Variants in SLC39A10 observed in about 807,000 individuals in gnomAD.
The protein encoded by SLC39A10 is solute carrier family 39 member 10.
A neutral mutation model predicts 65.1 loss-of-function variants in SLC39A10; 13 were observed. The ratio of observed to expected loss-of-function variants is 0.20; its 90% CI spans 0.13 to 0.32. The LOEUF is 0.32. Among genes scored for constraint, SLC39A10 ranks in the 10% least tolerant of loss-of-function variants. The pLI, the probability that SLC39A10 is intolerant of heterozygous loss-of-function variation, is 1.00. For missense variants in SLC39A10, 831 were observed against 1,018.4 expected (o/e 0.82, Z 2.50); for synonymous variants, 321 against 342.2 (o/e 0.94, Z 0.68).
At chr2:195,659,483 A>G (rs1333958338) in intron 1 of SLC39A10, among the ~76,000 whole-genome samples, 1 of 152,208 alleles carries the variant, frequency 6.6e-6, no homozygotes, top group African/African-American at 2.4e-5. Flanking sequence ...ATGTAGTATT[A>G]TAGCAAGGAA....
chr2:195,624,097 A>G (rs1688408800), intron 2 of SLC39A10, among the ~76,000 whole-genome samples: 1 of 152,102 alleles, frequency 6.6e-6, no homozygotes. Flanking sequence ...GTATATAAAG[A>G]AGGCCTGGCC....
intron 4 of SLC39A10, among the ~76,000 whole-genome samples, chr2:195,707,691 C>G (rs1334528566): frequency 2.0e-5 from 3 of 151,826 alleles, no homozygotes; most frequent in Non-Finnish European, 4.4e-5. Context: ...GCAACAGTTT[C>G]CTTTAGAACT....
At chr2:195,654,614 AT>A (rs200846616), upstream of SLC39A10, among the ~76,000 whole-genome samples, 1,474 of 152,272 alleles carry the variant, frequency 9.7e-3, 24 homozygotes, top group African/African-American at 0.033. Flanking sequence ...ACTGAAAATC[AT>A]TTATACTATT....
chr2:195,651,997 T>G (rs535000658), upstream of SLC39A10, among the ~76,000 whole-genome samples: 27 of 152,196 alleles, frequency 1.8e-4, no homozygotes, highest in South Asian at 5.6e-3. Context: ...GTGCCCAAGG[T>G]GGTAGTTAAG....
At chr2:195,635,476 G>A (rs556082744) in intron 2 of SLC39A10, among the ~76,000 whole-genome samples, 1 of 152,188 alleles carries the variant, frequency 6.6e-6, no homozygotes, top group Non-Finnish European at 1.5e-5. Flanking sequence ...CTGCATTGAT[G>A]GTGCAGAAGC....
intron 9 of SLC39A10, among the ~76,000 whole-genome samples, chr2:195,729,450 T>C (rs1235466424): frequency 2.6e-5 from 4 of 152,324 alleles, no homozygotes; most frequent in African/African-American, 9.6e-5. Context: ...ACCTTGCTTC[T>C]GATTTCATGG....
At chr2:195,646,601 A>G (rs1001797577) in intron 2 of SLC39A10, among the ~76,000 whole-genome samples, 1 of 151,954 alleles carries the variant, frequency 6.6e-6, no homozygotes, top group Non-Finnish European at 1.5e-5. Flanking sequence ...TCCTTAGTTC[A>G]GGGGTCCTCA....
chr2:195,680,656 A>C lies in SLC39A10; in HGVS notation c.614A>C (p.Glu205Ala). The change falls in exon 2 of 10, where the codon GAG (glutamate) becomes GCG (alanine). Residue 205 changes from glutamate (E) to alanine (A), a missense_variant. This residue lies in a region of SLC39A10 where 446 missense variants were observed against 499.2 expected (regional missense o/e 0.89). Transcript: ENST00000359634. ...HFHNDSITPS[E>A]RGEPSNEPST... is the part of the protein sequence containing the mutation. The stretch of plus-strand genomic sequence containing the variant: ...CATAATGATTCCATTACTCCCAGTG[A>C]GCGTGGGGAGCCTAGCAATGAACCT... The C allele has an allele frequency of 6.2e-7, 1 of 1,614,162 alleles. No individual in the cohort carries two copies. Among genetic ancestry groups the C allele is most frequent in the South Asian group, 1.1e-5 (1 of 91,080 alleles).
At chr2:195,722,153 A>G (rs1002959839) in intron 8 of SLC39A10, among the ~76,000 whole-genome samples, 19 of 152,196 alleles carry the variant, frequency 1.2e-4, no homozygotes, top group African/African-American at 4.6e-4. Context: ...TCAGATGTCT[A>G]CCTGTTTTAT....
chr2:195,717,648 G>A (rs1047430787), intron 7 of SLC39A10, among the ~76,000 whole-genome samples: 4 of 151,906 alleles, frequency 2.6e-5, no homozygotes, highest in African/African-American at 9.7e-5. Context: ...TTGAACTCCA[G>A]GCCTCAAGCA....
At chr2:195,707,591 C>CT (rs36110330) in intron 4 of SLC39A10, among the ~76,000 whole-genome samples, 142 of 145,270 alleles carry the variant, frequency 9.8e-4, no homozygotes, top group African/African-American at 1.8e-3. Flanking sequence ...TATGGCATTG[C>CT]TTTTTTTTTT....
chr2:195,685,656 A>T (rs920467578), intron 3 of SLC39A10, among the ~76,000 whole-genome samples: 2 of 152,202 alleles, frequency 1.3e-5, no homozygotes, highest in African/African-American at 4.8e-5. Flanking sequence ...CAGATCAAGT[A>T]TTGGCCCTTC....
intron 3 of SLC39A10, among the ~76,000 whole-genome samples, chr2:195,704,435 C>G (rs914546078): frequency 2.0e-5 from 3 of 152,152 alleles, no homozygotes; most frequent in Non-Finnish European, 2.9e-5. Flanking sequence ...CTTTTTATCT[C>G]TATTTTTTTC....
Position 195,728,410 on chromosome 2 carries a change from T to C in SLC39A10, c.2337+61T>C. 6.8e-7 allele frequency: 1 copy of C among 1,479,970 alleles called. No individual in the cohort carries two copies. Among genetic ancestry groups the C allele is most frequent in the Admixed American group, 1.9e-5 (1 of 52,004 alleles). 91.7% of individuals were successfully genotyped at this position (1,479,970 alleles called of 1,614,324 possible). A position where few individuals can be genotyped will look rare whatever the true frequency, so the allele number is the denominator to read the frequency against. ...TGCAAATGAAAGAAATCCTTGGAAG[T>C]GGTTTGAAGCCAAACTATTTTTGAA... On this transcript the variant is annotated intron_variant, in intron 9 of 9. Coordinates refer to ENST00000359634, the MANE Select transcript of SLC39A10 (RefSeq NM_020342.3). This position sits in a 1 kb window ranked among gnomAD's most constrained non-coding sequence, Gnocchi z 4.4.
At chr2:195,713,370 TG>T in intron 5 of SLC39A10, 62 bp from the exon 6 acceptor site, 1 of 1,325,926 alleles carries the variant, frequency 7.5e-7, no homozygotes, top group South Asian at 1.7e-5. Flanking sequence ...GAGTCAATAT[TG>T]TTGCTAATTG....
At position 195,662,743 on chromosome 2, in the gene SLC39A10, C is replaced by G. The variant is rs756819838; in HGVS notation, c.-12+5462C>G. ...CTGGATTGGCACTTTAAAAAAAAAT[C>G]TGTAAATTAAATTTGGATCAGCAAA... is the stretch of plus-strand genomic sequence containing the variant. On this transcript the variant is annotated intron_variant, in intron 1 of 9. Coordinates refer to ENST00000359634, the MANE Select transcript of SLC39A10 (RefSeq NM_020342.3). 5.3e-5 allele frequency among the ~76,000 whole-genome samples: 8 copies of G among 152,180 alleles called. 1 individual carries two copies. In the South Asian group the frequency reaches 6.2e-4, roughly 12 times the overall value.
intron 2 of SLC39A10, among the ~76,000 whole-genome samples, chr2:195,613,537 C>T (rs903300641): frequency 4.6e-5 from 7 of 152,172 alleles, no homozygotes; most frequent in Admixed American, 3.9e-4. Context: ...TGTCAACAAA[C>T]TTCTTACAGA....
Position 195,680,674 on chromosome 2 carries a change from A to G in SLC39A10, c.632A>G (p.Asn211Ser), listed in dbSNP as rs144370357. 38 of 1,614,056 alleles carry G rather than the reference A, an allele frequency of 2.4e-5. No homozygotes were observed. Among genetic ancestry groups the G allele is most frequent in the Non-Finnish European group, 3.0e-5 (35 of 1,180,038 alleles). ...CCCAGTGAGCGTGGGGAGCCTAGCA[A>G]TGAACCTTCAACAGAGACCAATAAA... is the stretch of plus-strand genomic sequence containing the variant. Reference protein sequence around the residue: ...ITPSERGEPSNEPSTETNKTQ... With the variant: ...ITPSERGEPSSEPSTETNKTQ... The change falls in exon 2 of 10, where the codon AAT (asparagine) becomes AGT (serine). Residue 211 changes from asparagine (N) to serine (S), a missense_variant. This residue lies in a region of SLC39A10 where 446 missense variants were observed against 499.2 expected (regional missense o/e 0.89). Transcript: ENST00000359634.
Position 195,737,111 on chromosome 2 carries a change from TTATC to T in SLC39A10, c.*2072_*2075del, listed in dbSNP as rs146730504. The stretch of plus-strand genomic sequence containing the variant: ...GTTTTATATTCTCTCAAAAATGGTA[TTATC>T]TTTCTTTATTTGCTAGATTCTTACA... On this transcript the variant is annotated 3_prime_UTR_variant, in exon 10 of 10. Transcript: ENST00000359634. The T allele has an allele frequency of 6.6e-6, 1 of 152,572 alleles. No individual in the cohort carries two copies. The highest frequency in any genetic ancestry group is 2.4e-5 in the African/African-American group (1 of 41,448). The allele number at this position is 152,572 out of a possible 1,614,324, so 9.5% of individuals were successfully genotyped here.
Sources: allele counts gnomAD v4.1 joint callset (sites outside exome capture counted in the v4.1 genomes callset), GRCh38; gene constraint gnomAD v4.1.1; regional missense constraint gnomAD v4.1.1; non-coding constraint Gnocchi (gnomAD v3.1); transcripts MANE v1.5; gene names NCBI Gene and HGNC (gene_info 2026-07-23, HGNC 2026-07-21).